Variants in CYB5R3 observed in about 807,000 individuals in gnomAD.
The protein encoded by CYB5R3 is cytochrome b5 reductase 3.
In CYB5R3, 28 loss-of-function variants were observed where a neutral mutation model predicts 36.5. The ratio of observed to expected loss-of-function variants is 0.77; its 90% CI spans 0.57 to 1.05. The LOEUF (loss-of-function observed/expected upper bound fraction) is 1.05. Ranked by LOEUF, CYB5R3 falls within the 50% of genes least tolerant of loss-of-function variation. The pLI, the probability that CYB5R3 is intolerant of heterozygous loss-of-function variation, is 0.00. For synonymous variants in CYB5R3, 181 were observed against 159.8 expected (o/e 1.13, Z -1.00); for missense variants, 474 against 408.9 (o/e 1.16, Z -1.37).
intron 1 of CYB5R3, 32 bp from the exon 2 acceptor site, chr22:42,636,878 G>A (rs749562221): frequency 1.2e-6 from 2 of 1,608,404 alleles, no homozygotes; most frequent in Non-Finnish European, 1.7e-6. Flanking sequence ...GGTCAGTGCA[G>A]GAGCCTGCCT....
intron 2 of CYB5R3, among the ~76,000 whole-genome samples, chr22:42,636,089 G>T (rs531082977): frequency 5.3e-5 from 8 of 152,100 alleles, no homozygotes; most frequent in Non-Finnish European, 1.0e-4. Flanking sequence ...GGTGGCTCAC[G>T]CCTGTAATCG....
intron 3 of CYB5R3, 133 bp from the exon 4 acceptor site, chr22:42,631,121 C>T (rs1274229362): frequency 3.4e-6 from 3 of 887,076 alleles, no homozygotes; most frequent in Admixed American, 2.0e-5. Flanking sequence ...CGGCCCCCTC[C>T]CACCCCTCCC....
intron 1 of CYB5R3, among the ~76,000 whole-genome samples, chr22:42,638,749 A>AAAAAC: frequency 8.0e-6 from 1 of 124,318 alleles, no homozygotes; most frequent in Non-Finnish European, 1.7e-5. Flanking sequence ...AAAAAAAAAA[A>AAAAAC]AGGCCGGGCG....
At position 42,628,370 on chromosome 22, in the gene CYB5R3, C is replaced by A; in HGVS notation, c.334-89G>T. 2.6e-6 allele frequency: 4 copies of A among 1,544,066 alleles called. No individual in the cohort carries two copies. In the South Asian group the frequency reaches 4.5e-5, roughly 17 times the overall value. On this transcript the variant is annotated intron_variant, in intron 4 of 8. Coordinates refer to ENST00000352397, the MANE Select transcript of CYB5R3 (RefSeq NM_000398.7). ...CAGTGGGAGACAAGTGCCTCTTCTGCAGCTTCTTCTGAGGCCCACACATGG... is the reference window on the plus strand; with the variant it reads ...CAGTGGGAGACAAGTGCCTCTTCTGAAGCTTCTTCTGAGGCCCACACATGG...
At chr22:42,639,034 CAA>C (rs35810100) in intron 1 of CYB5R3, 1,936 of 292,032 alleles carry the variant, frequency 6.6e-3, no homozygotes, top group East Asian at 0.011. Flanking sequence ...AACTCCATCT[CAA>C]AAAAAAAAAA....
chr22:42,638,477 G>T (rs1056681533), intron 1 of CYB5R3, among the ~76,000 whole-genome samples: 1 of 142,384 alleles, frequency 7.0e-6, no homozygotes, highest in Non-Finnish European at 1.5e-5. Context: ...GGCAGAGGCA[G>T]AAGATTGCTT....
At position 42,647,068 on chromosome 22, in the gene CYB5R3, G is replaced by A. The variant is rs967363184; in HGVS notation, c.21+2227C>T. The A allele has an allele frequency of 1.5e-5, 11 of 743,864 alleles. No individual in the cohort carries two copies. In the Admixed American group the frequency reaches 6.9e-4, roughly 47 times the overall value. The allele number at this position is 743,864 out of a possible 1,614,324, so 46.1% of individuals were successfully genotyped here. On this transcript the variant is annotated intron_variant, in intron 1 of 8. Coordinates refer to ENST00000352397, the MANE Select transcript of CYB5R3 (RefSeq NM_000398.7). ...CCTCCCATGGGGCCTGCATGTCTTA[G>A]ATAAGACACCTAGAGCACCAGGCCC...
intron 2 of CYB5R3, 140 bp downstream of exon 2, chr22:42,636,575 G>C: frequency 1.5e-6 from 2 of 1,377,514 alleles, no homozygotes; most frequent in East Asian, 2.5e-5. Flanking sequence ...GCCTTAGCAA[G>C]AGACATCACC....
chr22:42,644,865 G>T (rs985180363), intron 1 of CYB5R3, among the ~76,000 whole-genome samples: 4 of 152,124 alleles, frequency 2.6e-5, no homozygotes, highest in Admixed American at 6.5e-5. Context: ...AGGCCCCTCC[G>T]CGGGCAGCTG....
Position 42,627,368 on chromosome 22 carries a change from A to G in CYB5R3, c.569T>C (p.Val190Ala). 6.2e-7 allele frequency: 1 copy of G among 1,613,860 alleles called. No homozygotes were observed. Among genetic ancestry groups the G allele is most frequent in the Non-Finnish European group, 8.5e-7 (1 of 1,179,972 alleles). The change falls in exon 7 of 9, where the codon GTG (valine) becomes GCG (alanine). Residue 190 changes from valine (V) to alanine (A), a missense_variant. Coordinates refer to ENST00000352397, the MANE Select transcript of CYB5R3 (RefSeq NM_000398.7). ...GGTGITPMLQ[V>A]IRAIMKDPDD... is the part of the protein sequence containing the mutation. Reference sequence around the variant, plus strand: ...AGGGTCCTTCATGATGGCGCGGATCACCTGCAGCATCGGGGTGATGCCTGC... The same window carrying G: ...AGGGTCCTTCATGATGGCGCGGATCGCCTGCAGCATCGGGGTGATGCCTGC...
At chr22:42,646,533 G>C (rs899837965) in intron 1 of CYB5R3, 18 of 477,126 alleles carry the variant, frequency 3.8e-5, no homozygotes, top group Non-Finnish European at 4.4e-5. Context: ...CCAGGTTAGG[G>C]GTGGGCAGAG....
At chr22:42,623,744 G>C in intron 8 of CYB5R3, 45 bp downstream of exon 8, 1 of 1,521,804 alleles carries the variant, frequency 6.6e-7, no homozygotes, top group Non-Finnish European at 9.1e-7. Flanking sequence ...GTGAACTGTG[G>C]GCTGGCACCT....
intron 1 of CYB5R3, 56 bp downstream of exon 1, chr22:42,649,239 G>T: frequency 6.0e-6 from 3 of 498,510 alleles, no homozygotes; most frequent in South Asian, 5.5e-5. Flanking sequence ...CCCCCTCGCC[G>T]CCGGGTCCCA....
chr22:42,648,695 C>G (rs1929635435), intron 1 of CYB5R3, among the ~76,000 whole-genome samples: 1 of 152,184 alleles, frequency 6.6e-6, no homozygotes, highest in Admixed American at 6.5e-5. Flanking sequence ...GGGAGCCTGG[C>G]CCACTGAGCA....
rs1401762462 is a variant in CYB5R3 at position 42,627,609 on chromosome 22, C to T, written c.543G>A (p.Gly181=). The T allele has an allele frequency of 2.5e-6, 4 of 1,613,972 alleles. No individual in the cohort carries two copies. The highest frequency in any genetic ancestry group is 2.2e-5 in the East Asian group (1 of 44,868). ...TVKSVGMIAG[G]TGITPMLQVI... ...TCAGTGGGGGGTTCCGTGTACCTGT[C>T]CCTCCCGCGATCATGCCCACAGACT... Residue 181 remains glycine (G), a synonymous_variant, in exon 6 of 9, where the codon GGG becomes GGA. Transcript: ENST00000352397.
intron 1 of CYB5R3, chr22:42,640,576 G>A (rs1433245742): frequency 4.4e-5 from 7 of 158,174 alleles, no homozygotes; most frequent in Non-Finnish European, 6.9e-5. Context: ...ACAATGTTTC[G>A]CCATGTTGGC....
intron 1 of CYB5R3, chr22:42,639,843 C>CTTTT (rs59947151): frequency 9.1e-4 from 916 of 1,011,022 alleles, no homozygotes; most frequent in Non-Finnish European, 1.1e-3. Flanking sequence ...GCTTGATTCA[C>CTTTT]TTTTTTTTTT....
chr22:42,635,779 C>G (rs1359803465), intron 2 of CYB5R3, among the ~76,000 whole-genome samples: 1 of 152,188 alleles, frequency 6.6e-6, no homozygotes, highest in Non-Finnish European at 1.5e-5. Flanking sequence ...CCTGCCACAC[C>G]CCTCCTGTGC....
Position 42,627,705 on chromosome 22 carries a change from G to A in CYB5R3, c.464-17C>T. 1 of 1,579,332 alleles carries A rather than the reference G, an allele frequency of 6.3e-7. No homozygotes were observed. Among genetic ancestry groups the A allele is most frequent in the Non-Finnish European group, 8.7e-7 (1 of 1,148,286 alleles). On this transcript the variant is annotated splice_polypyrimidine_tract_variant and intron_variant, in intron 5 of 8. Transcript: ENST00000352397. ...CGAACTTCCCTGGGGAGAGAGAAGGGGTGAGGCCCGGCCATCAAACATGCC... is the reference window on the plus strand; with the variant it reads ...CGAACTTCCCTGGGGAGAGAGAAGGAGTGAGGCCCGGCCATCAAACATGCC...
Sources: gnomAD v4.1 joint callset for allele counts (sites outside exome capture counted in the v4.1 genomes callset) on GRCh38, gnomAD v4.1.1 for gene constraint, MANE v1.5 for transcripts, NCBI Gene and HGNC (gene_info 2026-07-23, HGNC 2026-07-21) for gene names.